The following ARHGEF38 variants were observed in gnomAD, a reference collection of about 807,000 sequenced individuals.
ARHGEF38 encodes Rho guanine nucleotide exchange factor (GEF) 38.
ARHGEF38 carries 79 observed loss-of-function variants against 79.9 expected under a neutral mutation model. That is an observed-to-expected ratio of 0.99 (90% CI 0.82 to 1.19). The LOEUF is 1.19. Ranked by LOEUF, ARHGEF38 falls within the 50% of genes most tolerant of loss-of-function variation. The pLI, the probability that ARHGEF38 is intolerant of heterozygous loss-of-function variation, is 0.00. For missense variants in ARHGEF38, 962 were observed against 907.2 expected (o/e 1.06, Z -0.78); for synonymous variants, 366 against 328.3 (o/e 1.11, Z -1.24).
chr4:105,619,448 C>G (rs1315627311), intron 3 of ARHGEF38, among the ~76,000 whole-genome samples: 2 of 152,010 alleles, frequency 1.3e-5, no homozygotes, highest in Admixed American at 6.6e-5. Flanking sequence ...TTGACCCATA[C>G]AATTGTGAGC....
chr4:105,633,716 TAA>T (rs1349458169), intron 4 of ARHGEF38, among the ~76,000 whole-genome samples: 4 of 152,174 alleles, frequency 2.6e-5, no homozygotes, highest in Non-Finnish European at 5.9e-5. Context: ...AAATATTTAA[TAA>T]GAGTGCTAAA....
intron 1 of ARHGEF38, among the ~76,000 whole-genome samples, chr4:105,587,097 T>G (rs922525313): frequency 1.5e-4 from 23 of 152,330 alleles, no homozygotes; most frequent in African/African-American, 5.5e-4. Flanking sequence ...TGTAACTTGC[T>G]TTTTCAAATC....
rs188365251 is a variant in ARHGEF38, at chr4:105,575,524, T to C, written c.197-13724T>C. The stretch of plus-strand genomic sequence containing the variant: ...GTTATTTGTTTTTTCCTTAATTTGT[T>C]TGAGTTCCTTGTAGATTCTGGATAT... On this transcript the variant is annotated intron_variant, in intron 1 of 13. Transcript: ENST00000420470. Among the ~76,000 whole-genome samples the C allele has an allele frequency of 2.5e-3, 379 of 152,334 alleles. 2 individuals carry two copies. The highest frequency in any genetic ancestry group is 0.014 in the Middle Eastern group (4 of 294).
rs546200682 is a variant in ARHGEF38, at chr4:105,606,894, G to A, written c.385-6490G>A. Reference sequence around the variant, plus strand: ...CTGTGTGGTAGAATTACAGGTGACTGTATTTTCTTTCTTTTACTTTCTTTT... The same window carrying A: ...CTGTGTGGTAGAATTACAGGTGACTATATTTTCTTTCTTTTACTTTCTTTT... On this transcript the variant is annotated intron_variant, in intron 2 of 13. Transcript: ENST00000420470. Among the ~76,000 whole-genome samples the A allele has an allele frequency of 2.2e-4, 33 of 152,156 alleles. 1 individual carries two copies. The highest frequency in any genetic ancestry group is 6.8e-3 in the Middle Eastern group (2 of 294).
intron 2 of ARHGEF38, among the ~76,000 whole-genome samples, chr4:105,595,125 C>T (rs1207091108): frequency 2.6e-5 from 4 of 152,108 alleles, no homozygotes; most frequent in Non-Finnish European, 4.4e-5. Context: ...TAGTGCAAAT[C>T]TACCAAAGAT....
At chr4:105,586,704 A>T (rs1450055466) in intron 1 of ARHGEF38, among the ~76,000 whole-genome samples, 1 of 152,234 alleles carries the variant, frequency 6.6e-6, no homozygotes, top group Non-Finnish European at 1.5e-5. Context: ...TATAAGGCAT[A>T]GAAGGTTTAG....
chr4:105,633,731 A>G (rs1437729528), intron 4 of ARHGEF38, among the ~76,000 whole-genome samples: 1 of 152,222 alleles, frequency 6.6e-6, no homozygotes, highest in Non-Finnish European at 1.5e-5. Context: ...GTGCTAAATA[A>G]TGTTGAAAAT....
chr4:105,667,072 C>T lies in ARHGEF38; in HGVS notation c.1690-57C>T, dbSNP rs1730777303. The T allele has an allele frequency of 4.4e-6, 6 of 1,369,188 alleles. No individual in the cohort carries two copies. The South Asian group carries it at 8.8e-5, about 20-fold the overall frequency. The allele number at this position is 1,369,188 out of a possible 1,614,324, so 84.8% of individuals were successfully genotyped here. A position where few individuals can be genotyped will look rare whatever the true frequency, so the allele number is the denominator to read the frequency against. On this transcript the variant is annotated intron_variant, in intron 11 of 13. Coordinates refer to ENST00000420470, the MANE Select transcript of ARHGEF38 (RefSeq NM_001242729.2). ...TCCAGGGAAAAAATATTTACCAACTCCATGAGGATTTTATTATGTATCTGT... is the reference window on the plus strand; with the variant it reads ...TCCAGGGAAAAAATATTTACCAACTTCATGAGGATTTTATTATGTATCTGT...
chr4:105,648,178 G>A (rs1475173489), intron 6 of ARHGEF38, among the ~76,000 whole-genome samples: 2 of 151,986 alleles, frequency 1.3e-5, no homozygotes, highest in Non-Finnish European at 2.9e-5. Flanking sequence ...GTGAGCCACC[G>A]TGCCCGGCTG....
At chr4:105,675,179 T>C (rs1407601826) in intron 13 of ARHGEF38, among the ~76,000 whole-genome samples, 2 of 152,186 alleles carry the variant, frequency 1.3e-5, no homozygotes, top group Non-Finnish European at 2.9e-5. Flanking sequence ...ACATACTTGC[T>C]AGAACAAGAG....
chr4:105,581,980 C>T (rs1427998074), intron 1 of ARHGEF38, among the ~76,000 whole-genome samples: 1 of 151,514 alleles, frequency 6.6e-6, no homozygotes, highest in African/African-American at 2.4e-5. Context: ...CCTGGCCAAC[C>T]CAGTGAAACC....
chr4:105,644,013 C>T (rs1729732118), intron 5 of ARHGEF38, among the ~76,000 whole-genome samples: 1 of 151,478 alleles, frequency 6.6e-6, no homozygotes, highest in Admixed American at 6.6e-5. Context: ...ACTACAGGTG[C>T]CTGCCACCAT....
At chr4:105,613,285 G>A (rs1728373475) in intron 2 of ARHGEF38, 99 bp from the exon 3 acceptor site, 1 of 1,367,718 alleles carries the variant, frequency 7.3e-7, no homozygotes, top group Non-Finnish European at 9.7e-7. Flanking sequence ...GGTTAATGGA[G>A]ACAGCATGCG....
rs1199604766 is a variant in ARHGEF38 at position 105,645,365 on chromosome 4, AC to A, written c.853del (p.Arg287GlufsTer5). 1.2e-5 allele frequency: 19 copies of A among 1,525,358 alleles called. No homozygotes were observed. The highest frequency in any genetic ancestry group is 1.7e-5 in the Non-Finnish European group (19 of 1,143,490). 94.5% of individuals were successfully genotyped at this position (1,525,358 alleles called of 1,614,324 possible). A position where few individuals can be genotyped will look rare whatever the true frequency, so the allele number is the denominator to read the frequency against. ...VKDINVNINE[L>X]KRRKDLVLKY... Reference sequence around the variant, plus strand: ...AGGACATTAATGTTAACATCAATGAACTTAAAAGAAGGAAAGATTTAGGTAG... The same window carrying A: ...AGGACATTAATGTTAACATCAATGAATTAAAAGAAGGAAAGATTTAGGTAG... On this transcript the variant is annotated frameshift_variant, in exon 6 of 14. Transcript: ENST00000420470. LOFTEE classifies it high-confidence loss of function.
chr4:105,558,126 A>G (rs1170697867), intron 1 of ARHGEF38, among the ~76,000 whole-genome samples: 1 of 152,192 alleles, frequency 6.6e-6, no homozygotes, highest in Non-Finnish European at 1.5e-5. Flanking sequence ...GCGAAAGATG[A>G]ACCACCCTAC....
intron 2 of ARHGEF38, among the ~76,000 whole-genome samples, chr4:105,592,495 T>C (rs759173313): frequency 2.6e-4 from 40 of 152,094 alleles, no homozygotes; most frequent in Admixed American, 4.6e-4. Context: ...TTAATTTCTA[T>C]GGGTCCTTCA....
intron 2 of ARHGEF38, among the ~76,000 whole-genome samples, chr4:105,595,376 T>C (rs1727533850): frequency 6.6e-6 from 1 of 152,244 alleles, no homozygotes; most frequent in Non-Finnish European, 1.5e-5. Flanking sequence ...GTTTAAAATA[T>C]ATATAATTTT....
chr4:105,666,077 C>T, intron 10 of ARHGEF38, 100 bp from the exon 11 acceptor site: 1 of 1,042,562 alleles, frequency 9.6e-7, no homozygotes, highest in East Asian at 3.0e-5. Flanking sequence ...AATGGAGCTA[C>T]CATATACCTC....
At chr4:105,616,765 C>G (rs187675123) in intron 3 of ARHGEF38, among the ~76,000 whole-genome samples, 1 of 152,120 alleles carries the variant, frequency 6.6e-6, no homozygotes, top group Non-Finnish European at 1.5e-5. Flanking sequence ...TGACCATAGA[C>G]AATCAGAAGA....
Sources: allele counts gnomAD v4.1 joint callset (sites outside exome capture counted in the v4.1 genomes callset), GRCh38; gene constraint gnomAD v4.1.1; transcripts MANE v1.5; gene names NCBI Gene and HGNC (gene_info 2026-07-23, HGNC 2026-07-21).